SPON1: variants seen among roughly 807,000 people sequenced by gnomAD.
SPON1 encodes the protein spondin-1.
Under a neutral mutation model 111.7 loss-of-function variants are expected in SPON1, and 52 were observed. The observed-to-expected ratio is 0.47, with a 90% CI of 0.37 to 0.59. SPON1 has a LOEUF of 0.59. Ranked by LOEUF, SPON1 falls within the 20% of genes least tolerant of loss-of-function variation. The probability of loss-of-function intolerance (pLI) is 0.00; values close to 1 mark genes in which losing one functional copy is unlikely to be tolerated. For synonymous variants in SPON1, 410 were observed against 395.8 expected, an observed-to-expected ratio of 1.04 and a Z score of -0.43; for missense variants, 957 against 1,068.5, an observed-to-expected ratio of 0.90 and a Z score of 1.46.
intron 5 of SPON1, among the ~76,000 whole-genome samples, chr11:14,100,136 TTA>T (rs1554924254): frequency 1.3e-4 from 15 of 116,580 alleles, no homozygotes; most frequent in Non-Finnish European, 1.2e-4. Context: ...TTTTTTGTAC[TTA>T]CTGAGTTTTT....
At chr11:14,166,160 G>C (rs781788191) in intron 6 of SPON1, among the ~76,000 whole-genome samples, 1 of 152,186 alleles carries the variant, frequency 6.6e-6, no homozygotes, top group Non-Finnish European at 1.5e-5. Context: ...TTCTTTAAAA[G>C]AAGCATGCCA....
chr11:14,082,009 T>A (rs1179246510), intron 5 of SPON1, among the ~76,000 whole-genome samples: 1 of 152,106 alleles, frequency 6.6e-6, no homozygotes, highest in African/African-American at 2.4e-5. Flanking sequence ...ACTCTCTGCC[T>A]GGGGGAAAGA....
chr11:13,984,038 G>A (rs1037053570), intron 2 of SPON1, among the ~76,000 whole-genome samples: 2 of 152,094 alleles, frequency 1.3e-5, no homozygotes, highest in African/African-American at 2.4e-5. Flanking sequence ...CACGCTCACC[G>A]TAATGTCCTT....
At chr11:13,969,425 T>C (rs1183663536) in intron 1 of SPON1, among the ~76,000 whole-genome samples, 1 of 151,966 alleles carries the variant, frequency 6.6e-6, no homozygotes, top group East Asian at 1.9e-4. Context: ...TGCTGGGGTG[T>C]GTATGTGCAA....
intron 2 of SPON1, among the ~76,000 whole-genome samples, chr11:14,036,669 GC>G (rs1206415820): frequency 6.6e-6 from 1 of 152,190 alleles, no homozygotes; most frequent in Non-Finnish European, 1.5e-5. Context: ...AGTAATTAAA[GC>G]CATGAGTTGA....
intron 6 of SPON1, among the ~76,000 whole-genome samples, chr11:14,207,756 G>T (rs1296818600): frequency 1.3e-5 from 2 of 152,202 alleles, no homozygotes; most frequent in Non-Finnish European, 2.9e-5. Flanking sequence ...CTATTGGTGG[G>T]AGTGTAAATT....
chr11:13,969,908 G>A (rs1356114958), intron 1 of SPON1, among the ~76,000 whole-genome samples: 1 of 152,214 alleles, frequency 6.6e-6, no homozygotes, highest in Non-Finnish European at 1.5e-5. Flanking sequence ...GGTTTGCTCT[G>A]ACATGCAAGT....
In SPON1 at chr11:14,251,871, C is replaced by T. The variant is rs532502924; in HGVS notation, c.891-2657C>T. 2.6e-5 allele frequency among the ~76,000 whole-genome samples: 4 copies of T among 152,342 alleles called. No homozygotes were observed. In the East Asian group the frequency reaches 7.7e-4, roughly 29 times the overall value. ...TAAAGAAGCTGCTAAAATCACTGAC[C>T]TACATGCCAGAAAATGCACACGTGG... On this transcript the variant is annotated intron_variant, in intron 7 of 15. Coordinates refer to ENST00000576479, the MANE Select transcript of SPON1 (RefSeq NM_006108.4).
At chr11:14,257,986 G>A in intron 11 of SPON1, 88 bp downstream of exon 11, 1 of 1,295,510 alleles carries the variant, frequency 7.7e-7, no homozygotes, top group Non-Finnish European at 1.0e-6. Context: ...CCCTGGTGAG[G>A]GCACAAGGAC....
intron 2 of SPON1, among the ~76,000 whole-genome samples, chr11:14,031,818 T>C (rs1487096750): frequency 6.6e-5 from 10 of 152,210 alleles, no homozygotes; most frequent in African/African-American, 2.4e-4. Flanking sequence ...GGCTTTCAGA[T>C]TGAAAAAATA....
At position 14,052,175 on chromosome 11, in the gene SPON1, C is replaced by A. The variant is rs950832018; in HGVS notation, c.479+10521C>A. ...CCCCAAGTGAGGAAACTAAATGTCACTTAGAAAATGGAAAACAAGCCCAGG... is the reference window on the plus strand; with the variant it reads ...CCCCAAGTGAGGAAACTAAATGTCAATTAGAAAATGGAAAACAAGCCCAGG... On this transcript the variant is annotated intron_variant, in intron 3 of 15. Transcript: ENST00000576479. 1.8e-4 allele frequency among the ~76,000 whole-genome samples: 28 copies of A among 152,146 alleles called. 1 individual carries two copies. Among genetic ancestry groups the A allele is most frequent in the Admixed American group, 5.2e-4 (8 of 15,282 alleles).
Position 14,006,596 on chromosome 11 carries a change from G to A in SPON1, c.345+23643G>A, listed in dbSNP as rs535651537. 7.9e-5 allele frequency among the ~76,000 whole-genome samples: 12 copies of A among 152,208 alleles called. No homozygotes were observed. The South Asian group carries it at 2.3e-3, about 29-fold the overall frequency. ...CTTGGTCGCACGTGGTGGACCGGTG[G>A]TCCATTGAACCCTCTGCTGTCTCCT... is the stretch of plus-strand genomic sequence containing the variant. On this transcript the variant is annotated intron_variant, in intron 2 of 15. Transcript: ENST00000576479.
rs75288540 is a variant in SPON1 at position 14,259,233 on chromosome 11, G to A, written c.1493-47G>A. ...GTTCCCACCGCGCAGCCTGGCAGGC[G>A]CCCCTGCCACCGTGCACTGCTGCAG... is the stretch of plus-strand genomic sequence containing the variant. On this transcript the variant is annotated intron_variant, in intron 11 of 15. Transcript: ENST00000576479. This position sits in a 1 kb window ranked among gnomAD's most constrained non-coding sequence, Gnocchi z 5.0. 3.6e-5 allele frequency: 55 copies of A among 1,518,390 alleles called. No homozygotes were observed. The highest frequency in any genetic ancestry group is 4.6e-5 in the Non-Finnish European group (52 of 1,129,842). The allele number at this position is 1,518,390 out of a possible 1,614,324, so 94.1% of individuals were successfully genotyped here.
At chr11:14,172,023 C>G (rs1309031183) in intron 6 of SPON1, among the ~76,000 whole-genome samples, 1 of 152,192 alleles carries the variant, frequency 6.6e-6, no homozygotes, top group Admixed American at 6.5e-5. Flanking sequence ...TGGTGCAGAG[C>G]TGAGTTCAAT....
Position 14,135,704 on chromosome 11 carries a change from A to G in SPON1, c.825+136A>G. 2.3e-6 allele frequency: 2 copies of G among 862,040 alleles called. No homozygotes were observed. The highest frequency in any genetic ancestry group is 2.6e-5 in the East Asian group (1 of 37,814). 53.4% of individuals were successfully genotyped at this position (862,040 alleles called of 1,614,324 possible). Reference sequence around the variant, plus strand: ...TCTATTTGCTGAGTTTGGGGGTTTTATGTTAAGTAGAGGACAGACAGAGGC... The same window carrying G: ...TCTATTTGCTGAGTTTGGGGGTTTTGTGTTAAGTAGAGGACAGACAGAGGC... On this transcript the variant is annotated intron_variant, in intron 6 of 15. Coordinates refer to ENST00000576479, the MANE Select transcript of SPON1 (RefSeq NM_006108.4). The surrounding 1 kb of genome is among the most constrained non-coding windows in gnomAD (Gnocchi z 4.4).
intron 2 of SPON1, among the ~76,000 whole-genome samples, chr11:14,005,020 G>A (rs1053108830): frequency 6.6e-6 from 1 of 152,132 alleles, no homozygotes; most frequent in Non-Finnish European, 1.5e-5. Context: ...TGTTGCCCAG[G>A]CTATGCCTTT....
At chr11:13,991,890 A>T (rs1554911255) in intron 2 of SPON1, among the ~76,000 whole-genome samples, 2 of 152,022 alleles carry the variant, frequency 1.3e-5, no homozygotes, top group Non-Finnish European at 2.9e-5. Flanking sequence ...ACCAGTGGAG[A>T]CTGCAGAACA....
intron 6 of SPON1, among the ~76,000 whole-genome samples, chr11:14,203,490 A>G (rs546750104): frequency 5.3e-5 from 8 of 152,354 alleles, no homozygotes; most frequent in African/African-American, 1.7e-4. Context: ...TGTCCTTAAG[A>G]GACGATTATC....
intron 6 of SPON1, among the ~76,000 whole-genome samples, chr11:14,222,488 G>A (rs775180022): frequency 2.0e-5 from 3 of 152,278 alleles, no homozygotes; most frequent in East Asian, 3.9e-4. Context: ...ATTCAGTAGC[G>A]CTGAGGTGGG....
Sources: allele counts gnomAD v4.1 joint callset (sites outside exome capture counted in the v4.1 genomes callset), GRCh38; gene constraint gnomAD v4.1.1; non-coding constraint Gnocchi (gnomAD v3.1); transcripts MANE v1.5; gene names NCBI Gene and HGNC (gene_info 2026-07-23, HGNC 2026-07-21).